Variants in SULF1 observed in about 807,000 individuals in gnomAD.
SULF1 encodes the protein sulfatase 1, also known as extracellular sulfatase Sulf-1.
In SULF1, 46 loss-of-function variants were observed where a neutral mutation model predicts 110.5. The ratio of observed to expected loss-of-function variants is 0.42; its 90% CI spans 0.33 to 0.53. The LOEUF (loss-of-function observed/expected upper bound fraction) is 0.53, where lower values mean the gene tolerates loss of function less well. Among genes scored for constraint, SULF1 ranks in the 20% least tolerant of loss-of-function variants. The pLI is 0.12. For synonymous variants in SULF1, 371 were observed against 387.1 expected (o/e 0.96, Z 0.49); for missense variants, 941 against 1,094.2 (o/e 0.86, Z 1.98).
At chr8:69,468,167 T>C (rs1389653889) in intron 1 of SULF1, among the ~76,000 whole-genome samples, 1 of 152,244 alleles carries the variant, frequency 6.6e-6, no homozygotes, top group Admixed American at 6.5e-5. Flanking sequence ...TGGCTCCTAC[T>C]GGACTTTCAC....
intron 5 of SULF1, among the ~76,000 whole-genome samples, chr8:69,566,164 G>A (rs1012989044): frequency 6.6e-6 from 1 of 151,940 alleles, no homozygotes; most frequent in African/African-American, 2.4e-5. Context: ...GTTTTATGTT[G>A]CACTCCTCAT....
upstream of SULF1, among the ~76,000 whole-genome samples, chr8:69,491,147 G>A (rs1004267123): frequency 1.3e-5 from 2 of 152,070 alleles, no homozygotes; most frequent in African/African-American, 2.4e-5. Context: ...ATGACACCAC[G>A]GTCGATCCAA....
intron 3 of SULF1, among the ~76,000 whole-genome samples, chr8:69,507,212 T>C (rs1231170627): frequency 6.6e-6 from 1 of 152,194 alleles, no homozygotes; most frequent in Non-Finnish European, 1.5e-5. Flanking sequence ...ATGTTTTAAA[T>C]TGGTTCCTTT....
At chr8:69,512,514 C>G (rs751695142) in intron 3 of SULF1, among the ~76,000 whole-genome samples, 1 of 152,208 alleles carries the variant, frequency 6.6e-6, no homozygotes, top group Non-Finnish European at 1.5e-5. Context: ...TGAATCTGGG[C>G]AAGCCGCATG....
chr8:69,584,154 G>A (rs945209009), intron 6 of SULF1, among the ~76,000 whole-genome samples: 1 of 152,196 alleles, frequency 6.6e-6, no homozygotes, highest in African/African-American at 2.4e-5. Flanking sequence ...ACCAGAGCAG[G>A]TCCTTGGGAA....
chr8:69,625,264 T>C (rs1181019954), intron 15 of SULF1, among the ~76,000 whole-genome samples: 2 of 152,264 alleles, frequency 1.3e-5, no homozygotes, highest in East Asian at 3.8e-4. Flanking sequence ...GGTGGTATCC[T>C]GTTCATGAGG....
chr8:69,541,798 T>G (rs895111068), intron 3 of SULF1, among the ~76,000 whole-genome samples: 3 of 152,230 alleles, frequency 2.0e-5, no homozygotes, highest in African/African-American at 7.2e-5. Context: ...ATAATGATGT[T>G]TGTTTTCTAG....
chr8:69,513,295 G>C (rs1811702740), intron 3 of SULF1, among the ~76,000 whole-genome samples: 1 of 152,124 alleles, frequency 6.6e-6, no homozygotes, highest in African/African-American at 2.4e-5. Flanking sequence ...TTATGTGTTT[G>C]AATATCTAAA....
intron 6 of SULF1, among the ~76,000 whole-genome samples, chr8:69,582,688 G>GAA (rs3059986): frequency 1.0e-4 from 14 of 136,750 alleles, no homozygotes; most frequent in African/African-American, 3.3e-4. Flanking sequence ...TGCCTTCTTG[G>GAA]AAAAAAAAAA....
chr8:69,652,302 A>T (rs565272131), intron 22 of SULF1, among the ~76,000 whole-genome samples: 2 of 152,282 alleles, frequency 1.3e-5, no homozygotes, highest in Admixed American at 6.5e-5. Context: ...ACTTGTCCAT[A>T]GTTTCCAGGA....
At chr8:69,582,545 T>C (rs1407633077) in intron 6 of SULF1, among the ~76,000 whole-genome samples, 1 of 152,156 alleles carries the variant, frequency 6.6e-6, no homozygotes, top group Non-Finnish European at 1.5e-5. Flanking sequence ...ATAGTGGCTT[T>C]GCAGAAGGGG....
intron 3 of SULF1, among the ~76,000 whole-genome samples, chr8:69,550,691 C>T (rs1229373125): frequency 6.6e-6 from 1 of 152,192 alleles, no homozygotes; most frequent in Non-Finnish European, 1.5e-5. Flanking sequence ...TGAAGTCAGG[C>T]AACTGGAAAA....
chr8:69,540,174 A>T (rs908759379), intron 3 of SULF1, among the ~76,000 whole-genome samples: 2 of 152,200 alleles, frequency 1.3e-5, no homozygotes. Flanking sequence ...ATGGAAAGAG[A>T]GGATACATAT....
In SULF1 at chr8:69,588,999, G is replaced by A. The variant is rs776280066; in HGVS notation, c.592G>A (p.Glu198Lys). 2.0e-5 allele frequency: 32 copies of A among 1,613,904 alleles called. No homozygotes were observed. Among genetic ancestry groups the A allele is most frequent in the Non-Finnish European group, 2.3e-5 (27 of 1,179,878 alleles). Residue 198 changes from glutamate to lysine, a missense_variant, in exon 8 of 23, where the codon GAG becomes AAG. Physicochemically the swap from Glu to Lys is moderately conservative, Grantham distance 56 (BLOSUM62 1). This residue lies in a region of SULF1 where 822 missense variants were observed against 934.3 expected (regional missense o/e 0.88). Transcript: ENST00000402687. ...KDYFTDLITN[E>K]SINYFKMSKR... Reference sequence around the variant, plus strand: ...CTACTTCACAGACTTAATCACTAACGAGAGCATTAATTACTTCAAAATGTC... The same window carrying A: ...CTACTTCACAGACTTAATCACTAACAAGAGCATTAATTACTTCAAAATGTC...
chr8:69,591,269 T>C (rs1806875796), intron 8 of SULF1, among the ~76,000 whole-genome samples: 1 of 151,982 alleles, frequency 6.6e-6, no homozygotes, highest in Non-Finnish European at 1.5e-5. Context: ...AACATCTCTG[T>C]GCTGGCCAGG....
chr8:69,627,892 A>G (rs1312860661), intron 17 of SULF1, 26 bp downstream of exon 17: 1 of 1,562,384 alleles, frequency 6.4e-7, no homozygotes, highest in Non-Finnish European at 8.8e-7. Context: ...TCCATGCTCC[A>G]CTTTCCAAAT....
chr8:69,547,386 A>G (rs116375001), intron 3 of SULF1, among the ~76,000 whole-genome samples: 145 of 152,360 alleles, frequency 9.5e-4, no homozygotes, highest in African/African-American at 3.3e-3. Context: ...AGCATAGGAA[A>G]AATCTGGTTC....
Position 69,554,978 on chromosome 8 carries a change from C to CA in SULF1, c.-133-8541dup, listed in dbSNP as rs141225696. Among the ~76,000 whole-genome samples the CA allele has an allele frequency of 8.2e-3, 521 of 63,442 alleles. 79 individuals are homozygous for CA. Among genetic ancestry groups the CA allele is most frequent in the African/African-American group, 0.028 (279 of 10,040 alleles). The allele number at this position is 63,442 out of a possible 152,430, so 41.6% of individuals were successfully genotyped here. ...TGGGCGACAGGGCGAGATTCCATCT[C>CA]AAAAAAAAAAAAAAAAAAAACAAAA... On this transcript the variant is annotated intron_variant, in intron 3 of 22. Coordinates refer to ENST00000402687, the MANE Select transcript of SULF1 (RefSeq NM_001128205.2).
chr8:69,588,658 G>A (rs191328187), intron 7 of SULF1, among the ~76,000 whole-genome samples: 235 of 152,194 alleles, frequency 1.5e-3, no homozygotes, highest in African/African-American at 5.1e-3. Flanking sequence ...ATGTGTTCTA[G>A]TACTTTTATC....
Sources: gnomAD v4.1 joint callset for allele counts (sites outside exome capture counted in the v4.1 genomes callset) on GRCh38, gnomAD v4.1.1 for gene constraint, gnomAD v4.1.1 regional missense constraint, MANE v1.5 for transcripts, NCBI Gene and HGNC (gene_info 2026-07-23, HGNC 2026-07-21) for gene names.